ZFR: variants seen among roughly 807,000 people sequenced by gnomAD.
ZFR encodes the protein zinc finger RNA binding protein, also known as zinc finger RNA-binding protein.
ZFR carries 19 observed loss-of-function variants against 130.7 expected under a neutral mutation model. The ratio of observed to expected loss-of-function variants is 0.15; its 90% CI spans 0.10 to 0.21. The LOEUF is 0.21. Among genes scored for constraint, ZFR ranks in the 10% least tolerant of loss-of-function variants. The pLI is 1.00. For synonymous variants in ZFR, 466 were observed against 456.9 expected (o/e 1.02, Z -0.25); for missense variants, 872 against 1,321.5 (o/e 0.66, Z 5.27).
At chr5:32,374,806 C>G (rs761351474) in intron 17 of ZFR, among the ~76,000 whole-genome samples, 2 of 151,780 alleles carry the variant, frequency 1.3e-5, no homozygotes, top group African/African-American at 2.4e-5. Flanking sequence ...AATTAACCAC[C>G]AGAGAGAGAC....
chr5:32,444,400 G>A, intron 1 of ZFR, 72 bp from the exon 2 acceptor site: 4 of 1,484,626 alleles, frequency 2.7e-6, no homozygotes, highest in Non-Finnish European at 3.6e-6. Context: ...GCCGAGGGAG[G>A]GCAGGGAGAG....
At chr5:32,422,996 G>C (rs1313661006) in intron 2 of ZFR, among the ~76,000 whole-genome samples, 2 of 151,788 alleles carry the variant, frequency 1.3e-5, no homozygotes, top group South Asian at 4.2e-4. Context: ...AAGTGAGCCA[G>C]GGACTCACTA....
Position 32,403,198 on chromosome 5 carries a change from G to A in ZFR, c.1424C>T (p.Ser475Leu), listed in dbSNP as rs139021032. 32 of 1,614,054 alleles carry A rather than the reference G, an allele frequency of 2.0e-5. No individual in the cohort carries two copies. Among genetic ancestry groups the A allele is most frequent in the Admixed American group, 6.7e-5 (4 of 60,008 alleles). ...AGTGTTAGATGTGCTATTAAGAGAC[G>A]AGTTTCCTGTAGTCGTAAGACCCTT... ...SMKGLTTTGN[S>L]SLNSTSNTKV... Residue 475 changes from serine to leucine, a missense_variant, in exon 8 of 20, where the codon TCG (serine) becomes TTG (leucine). Physicochemically the swap from Ser to Leu is moderately radical, Grantham distance 145. Around this residue, in one of 7 missense-constraint regions of ZFR, gnomAD observed 143 missense variants for 137.9 expected, o/e 1.04. Coordinates refer to ENST00000265069, the MANE Select transcript of ZFR (RefSeq NM_016107.5).
At chr5:32,400,252 T>C in intron 8 of ZFR, 49 bp from the exon 9 acceptor site, 1 of 1,356,356 alleles carries the variant, frequency 7.4e-7, no homozygotes, top group Non-Finnish European at 9.7e-7. Flanking sequence ...TGTATAAATA[T>C]ATATACCTGA....
intron 8 of ZFR, 59 bp from the exon 9 acceptor site, chr5:32,400,262 A>AT: frequency 8.0e-7 from 1 of 1,252,074 alleles, no homozygotes; most frequent in Non-Finnish European, 1.0e-6. Flanking sequence ...TATATACCTG[A>AT]TAAGACGAAA....
intron 12 of ZFR, 28 bp downstream of exon 12, chr5:32,390,247 C>T: frequency 1.3e-6 from 2 of 1,598,866 alleles, no homozygotes; most frequent in Non-Finnish European, 1.7e-6. Context: ...AAACTTTCAC[C>T]CCTTGTATCA....
intron 2 of ZFR, among the ~76,000 whole-genome samples, chr5:32,440,507 C>T (rs886844560): frequency 2.0e-5 from 3 of 151,902 alleles, no homozygotes; most frequent in African/African-American, 7.3e-5. Context: ...ACTAGCCAGG[C>T]GTGGTGGCAC....
intron 17 of ZFR, among the ~76,000 whole-genome samples, chr5:32,373,520 A>C (rs1752726057): frequency 6.6e-6 from 1 of 152,218 alleles, no homozygotes. Flanking sequence ...GCAGCTTTAA[A>C]ACCTCTGTAA....
At chr5:32,415,497 TGTGTGTGTGTGTGTGTGTGCGC>T (rs918707826) in intron 4 of ZFR, among the ~76,000 whole-genome samples, 23 of 101,734 alleles carry the variant, frequency 2.3e-4, no homozygotes, top group African/African-American at 9.2e-4. Context: ...TGTGTGTGTG[TGTGTGTGTGTGTGTGTGTGCGC>T]GCGCGCGCGC....
Position 32,400,052 on chromosome 5 carries a change from A to AGCAGCAAGAGAT in ZFR, c.1656_1667dup (p.Ser553_Ala556dup). On this transcript the variant is annotated inframe_insertion, in exon 9 of 20. Coordinates refer to ENST00000265069, the MANE Select transcript of ZFR (RefSeq NM_016107.5). ...CCACTGGCTGCACATCACTCTGTAA[A>AGCAGCAAGAGAT]GCAGCAAGAGATGCAGGTGTGACTG... 6.2e-7 allele frequency: 1 copy of AGCAGCAAGAGAT among 1,613,172 alleles called. No homozygotes were observed. The highest frequency in any genetic ancestry group is 8.5e-7 in the Non-Finnish European group (1 of 1,179,512).
Position 32,444,713 on chromosome 5 carries a change from T to G in ZFR, c.-55A>C. ...ACTCTCACCCGCTGCCTCCCTCCTC[T>G]GCCCCGCTCCTCCTCAGCGGAGAAC... On this transcript the variant is annotated 5_prime_UTR_variant, in exon 1 of 20. Transcript: ENST00000265069. 1 of 1,497,200 alleles carries G rather than the reference T, an allele frequency of 6.7e-7. No individual in the cohort carries two copies. Among genetic ancestry groups the G allele is most frequent in the Non-Finnish European group, 8.9e-7 (1 of 1,123,102 alleles). The allele number at this position is 1,497,200 out of a possible 1,614,324, so 92.7% of individuals were successfully genotyped here. A position where few individuals can be genotyped will look rare whatever the true frequency, so the allele number is the denominator to read the frequency against.
chr5:32,435,906 A>AT (rs1754321957), intron 2 of ZFR, among the ~76,000 whole-genome samples: 1 of 152,066 alleles, frequency 6.6e-6, no homozygotes, highest in Non-Finnish European at 1.5e-5. Flanking sequence ...ATTTTATGCT[A>AT]TTTTTTTCTG....
intron 19 of ZFR, among the ~76,000 whole-genome samples, chr5:32,362,938 G>C (rs1752468126): frequency 6.6e-6 from 1 of 151,990 alleles, no homozygotes; most frequent in Admixed American, 6.6e-5. Context: ...GTACTAAAGG[G>C]AGAAAGAACA....
At chr5:32,424,865 C>T (rs79841010) in intron 2 of ZFR, among the ~76,000 whole-genome samples, 2,863 of 152,064 alleles carry the variant, frequency 0.019, 85 homozygotes, top group African/African-American at 0.066. Context: ...ATAATGTAAA[C>T]GTTATCATAA....
Position 32,444,291 on chromosome 5 carries a change from G to A in ZFR, c.75C>T (p.Thr25=). The A allele has an allele frequency of 2.6e-6, 4 of 1,548,724 alleles. No homozygotes were observed. Among genetic ancestry groups the A allele is most frequent in the Non-Finnish European group, 3.5e-6 (4 of 1,147,284 alleles). The change falls in exon 2 of 20, where the codon ACC becomes ACT. Residue 25 remains threonine, a synonymous_variant. Coordinates refer to ENST00000265069, the MANE Select transcript of ZFR (RefSeq NM_016107.5). ...TGTGGGTGAATCCAAAGTAGTTGCC[G>A]GTCGCCATTTTGGCATCTTCCCCCA... ...SRLGEDAKMA[T]GNYFGFTHSG...
intron 15 of ZFR, chr5:32,380,507 C>T (rs1473879649): frequency 5.4e-6 from 1 of 186,116 alleles, no homozygotes; most frequent in African/African-American, 2.3e-5. Context: ...TGAGTATGTA[C>T]AATAAACTAC....
chr5:32,372,550 G>A (rs79539842), intron 17 of ZFR, among the ~76,000 whole-genome samples: 3,967 of 152,102 alleles, frequency 0.026, 81 homozygotes, highest in Middle Eastern at 0.061. Flanking sequence ...AAGAAGCTGA[G>A]GGCTGGGCAC....
At chr5:32,384,228 T>A (rs1002085715) in intron 15 of ZFR, among the ~76,000 whole-genome samples, 5 of 149,494 alleles carry the variant, frequency 3.3e-5, no homozygotes, top group Admixed American at 6.6e-5. Flanking sequence ...TCCCATATGC[T>A]GTATATGACC....
At chr5:32,356,256 T>C (rs1201765133) in intron 19 of ZFR, among the ~76,000 whole-genome samples, 1 of 151,730 alleles carries the variant, frequency 6.6e-6, no homozygotes, top group Non-Finnish European at 1.5e-5. Flanking sequence ...CAAAGAAAAA[T>C]GGGAGCTACC....
Sources: allele counts gnomAD v4.1 joint callset (sites outside exome capture counted in the v4.1 genomes callset), GRCh38; gene constraint gnomAD v4.1.1; regional missense constraint gnomAD v4.1.1; transcripts MANE v1.5; gene names NCBI Gene and HGNC (gene_info 2026-07-23, HGNC 2026-07-21).